Variants in THSD4 observed in about 807,000 individuals in gnomAD.
THSD4 encodes the protein thrombospondin type-1 domain-containing protein 4.
THSD4 carries 69 observed loss-of-function variants against 119.0 expected under a neutral mutation model. That is an observed-to-expected ratio of 0.58 (90% confidence interval 0.48 to 0.71). The LOEUF is 0.71. Ranked by LOEUF, THSD4 falls within the 30% of genes least tolerant of loss-of-function variation. The pLI, the probability that THSD4 is intolerant of heterozygous loss-of-function variation, is 0.00. For missense variants in THSD4, 1,393 were observed against 1,391.1 expected (o/e 1.00, Z -0.02); for synonymous variants, 524 against 540.4 (o/e 0.97, Z 0.42).
intron 3 of THSD4, among the ~76,000 whole-genome samples, chr15:71,189,378 A>G (rs2043646788): frequency 6.6e-6 from 1 of 152,342 alleles, no homozygotes; most frequent in South Asian, 2.1e-4. Context: ...GTGCTTAAAA[A>G]ATACGTTTCT....
At chr15:71,764,716 T>A (rs1353525912) in intron 15 of THSD4, among the ~76,000 whole-genome samples, 1 of 152,246 alleles carries the variant, frequency 6.6e-6, no homozygotes, top group Non-Finnish European at 1.5e-5. Flanking sequence ...GCTGGTGTGT[T>A]CCTGCAGGAG....
intron 3 of THSD4, 96 bp from the exon 4 acceptor site, chr15:71,214,939 T>C: frequency 8.3e-7 from 1 of 1,207,538 alleles, no homozygotes; most frequent in Non-Finnish European, 1.0e-6. Flanking sequence ...AGACTGTGCC[T>C]ACTTGTGCCT....
intron 6 of THSD4, among the ~76,000 whole-genome samples, chr15:71,350,970 GCATAGTCAGA>G (rs1891964353): frequency 6.6e-6 from 1 of 152,216 alleles, no homozygotes; most frequent in African/African-American, 2.4e-5. Flanking sequence ...TGTTCAAGGT[GCATAGTCAGA>G]CAAGTTTGTC....
intron 7 of THSD4, among the ~76,000 whole-genome samples, chr15:71,508,184 C>T (rs2048221426): frequency 6.6e-6 from 1 of 152,146 alleles, no homozygotes; most frequent in South Asian, 2.1e-4. Context: ...GAGTTTGCAC[C>T]AGAGCCCAAC....
rs138056720 is a variant in THSD4, at chr15:71,629,812, CTT to C, written c.1153-30713_1153-30712del. ...TAGCTGATAGCCCTGCTTTTCTATA[CTT>C]TTTTCTCATTTGGGATGCGTGGTTT... On this transcript the variant is annotated intron_variant, in intron 7 of 17. Coordinates refer to ENST00000261862, the MANE Select transcript of THSD4 (RefSeq NM_024817.3). 5.6e-3 allele frequency among the ~76,000 whole-genome samples: 858 copies of C among 152,322 alleles called. 3 individuals carry two copies. The highest frequency in any genetic ancestry group is 0.019 in the African/African-American group (810 of 41,556).
At chr15:71,678,213 G>A (rs2051691561) in intron 8 of THSD4, among the ~76,000 whole-genome samples, 1 of 152,216 alleles carries the variant, frequency 6.6e-6, no homozygotes, top group Non-Finnish European at 1.5e-5. Flanking sequence ...AGATCACTGA[G>A]CTACCACATT....
intron 7 of THSD4, among the ~76,000 whole-genome samples, chr15:71,583,932 G>T (rs1217089815): frequency 6.6e-6 from 1 of 152,112 alleles, no homozygotes; most frequent in Non-Finnish European, 1.5e-5. Context: ...TGGTCTATGT[G>T]TTGTTCAAGT....
chr15:71,321,287 G>C (rs1019746589), intron 6 of THSD4, among the ~76,000 whole-genome samples: 1 of 150,864 alleles, frequency 6.6e-6, no homozygotes, highest in African/African-American at 2.4e-5. Flanking sequence ...TGTAATCCCA[G>C]CACTTTGGGA....
chr15:71,165,142 G>T lies in THSD4; in HGVS notation c.99+10210G>T. ...CCGAAGGAGGCCTCTTGGGTGCATTGGGATCCTTGAACTTCTTTTTTGTCT... is the reference window on the plus strand; with the variant it reads ...CCGAAGGAGGCCTCTTGGGTGCATTTGGATCCTTGAACTTCTTTTTTGTCT... On this transcript the variant is annotated intron_variant, in intron 3 of 17. Transcript: ENST00000261862. 4 of 1,605,056 alleles carry T rather than the reference G, an allele frequency of 2.5e-6. No homozygotes were observed. The South Asian group carries it at 4.4e-5, about 18-fold the overall frequency.
intron 16 of THSD4, among the ~76,000 whole-genome samples, chr15:71,768,397 A>G (rs2053752633): frequency 6.6e-6 from 1 of 152,142 alleles, no homozygotes; most frequent in Admixed American, 6.5e-5. Flanking sequence ...AATCCAGACT[A>G]TGGGCAACTG....
intron 7 of THSD4, among the ~76,000 whole-genome samples, chr15:71,433,338 A>T (rs374673760): frequency 6.6e-6 from 1 of 151,418 alleles, no homozygotes; most frequent in South Asian, 2.1e-4. Context: ...TTGAACTGAC[A>T]CATTTGTCTA....
chr15:71,655,749 C>T (rs994514404), intron 7 of THSD4, among the ~76,000 whole-genome samples: 1 of 152,150 alleles, frequency 6.6e-6, no homozygotes, highest in Non-Finnish European at 1.5e-5. Flanking sequence ...TCCTGCCCAC[C>T]CAAAGCAGTG....
chr15:71,409,585 G>A (rs1295473958), intron 6 of THSD4, among the ~76,000 whole-genome samples: 1 of 152,124 alleles, frequency 6.6e-6, no homozygotes, highest in Non-Finnish European at 1.5e-5. Context: ...CTTTTGGGCA[G>A]CCAAGGAAAG....
At chr15:71,403,294 T>A (rs1403465435) in intron 6 of THSD4, among the ~76,000 whole-genome samples, 2 of 152,204 alleles carry the variant, frequency 1.3e-5, no homozygotes, top group Non-Finnish European at 2.9e-5. Flanking sequence ...CTGAAAATGC[T>A]TTATTTTCTC....
At chr15:71,389,807 G>GTTGTTTTTTTTTT (rs1237779751) in intron 6 of THSD4, among the ~76,000 whole-genome samples, 9 of 46,256 alleles carry the variant, frequency 1.9e-4, no homozygotes, top group Non-Finnish European at 4.1e-4. Context: ...TATTTTCTGG[G>GTTGTTTTTTTTTT]TTGTTTTTTT....
intron 5 of THSD4, among the ~76,000 whole-genome samples, chr15:71,243,359 T>C (rs2044171727): frequency 6.6e-6 from 1 of 152,212 alleles, no homozygotes; most frequent in African/African-American, 2.4e-5. Context: ...TATTAATTAT[T>C]AACAGCTATT....
intron 6 of THSD4, among the ~76,000 whole-genome samples, chr15:71,358,867 A>G (rs2045856908): frequency 6.6e-6 from 1 of 152,168 alleles, no homozygotes; most frequent in African/African-American, 2.4e-5. Flanking sequence ...GAAGATTAAG[A>G]GAGGAATGTG....
chr15:71,369,555 G>T (rs564106315), intron 6 of THSD4, among the ~76,000 whole-genome samples: 14 of 152,148 alleles, frequency 9.2e-5, no homozygotes, highest in South Asian at 2.1e-4. Context: ...GGTTTTTGTC[G>T]TTGGTTCTGT....
chr15:71,230,592 G>A (rs1472857967), intron 4 of THSD4, among the ~76,000 whole-genome samples: 2 of 152,208 alleles, frequency 1.3e-5, no homozygotes, highest in Admixed American at 6.5e-5. Flanking sequence ...GCTGGAGACA[G>A]GGTGTGGAAT....
Sources: gnomAD v4.1 joint callset for allele counts (sites outside exome capture counted in the v4.1 genomes callset) on GRCh38, gnomAD v4.1.1 for gene constraint, MANE v1.5 for transcripts, NCBI Gene and HGNC (gene_info 2026-07-23, HGNC 2026-07-21) for gene names.